The following ATP13A5 variants were observed in gnomAD, a reference collection of about 807,000 sequenced individuals.
ATP13A5 encodes the protein ATPase 13A5.
ATP13A5 carries 149 observed loss-of-function variants against 150.2 expected under a neutral mutation model. That is an observed-to-expected ratio of 0.99 (90% CI 0.87 to 1.14). ATP13A5 has a LOEUF of 1.14. Among genes scored for constraint, ATP13A5 ranks in the 50% most tolerant of loss-of-function variants. The pLI is 0.00. For missense variants in ATP13A5, 1,383 were observed against 1,449.3 expected (o/e 0.95, Z 0.74); for synonymous variants, 497 against 522.2 (o/e 0.95, Z 0.66).
Position 193,310,634 on chromosome 3 carries a change from C to T in ATP13A5, c.2525+4G>A. The T allele has an allele frequency of 6.2e-7, 1 of 1,601,784 alleles. No individual in the cohort carries two copies. The highest frequency in any genetic ancestry group is 2.2e-5 in the East Asian group (1 of 44,644). On this transcript the variant is annotated splice_donor_region_variant and intron_variant, in intron 21 of 29. Transcript: ENST00000342358. ...ACACTCTTCTTTCATGCCATGACAC[C>T]TACTTTAATTTCTGAAATTCTTCAA...
At position 193,307,546 on chromosome 3, in the gene ATP13A5, C is replaced by T. The variant is rs117392683; in HGVS notation, c.2526-177G>A. 308 of 713,944 alleles carry T rather than the reference C, an allele frequency of 4.3e-4. 3 individuals carry two copies. The East Asian group carries it at 7.7e-3, about 18-fold the overall frequency. 44.2% of individuals were successfully genotyped at this position (713,944 alleles called of 1,614,324 possible). On this transcript the variant is annotated intron_variant, in intron 21 of 29. Transcript: ENST00000342358. ...GAGACATATTCCCAGAGGGAAAAGG[C>T]AGTTGCGTTATTTAAGTTGTTTCAA...
chr3:193,292,566 C>A (rs1718009188), intron 25 of ATP13A5, among the ~76,000 whole-genome samples: 1 of 152,140 alleles, frequency 6.6e-6, no homozygotes, highest in Non-Finnish European at 1.5e-5. Flanking sequence ...TGTGGCTCTG[C>A]TTTTTGTGAC....
At chr3:193,362,953 C>T (rs970072247) in intron 3 of ATP13A5, among the ~76,000 whole-genome samples, 1 of 152,058 alleles carries the variant, frequency 6.6e-6, no homozygotes, top group East Asian at 1.9e-4. Context: ...CACCACCACA[C>T]TCAGCTCATT....
At chr3:193,378,564 G>T in intron 1 of ATP13A5, 99 bp downstream of exon 1, 2 of 1,087,826 alleles carry the variant, frequency 1.8e-6, no homozygotes, top group Non-Finnish European at 2.8e-6. Context: ...CCTAAAGCCT[G>T]AAGCATAAAT....
intron 9 of ATP13A5, among the ~76,000 whole-genome samples, chr3:193,335,639 T>C (rs1711825829): frequency 6.6e-6 from 1 of 152,146 alleles, no homozygotes; most frequent in African/African-American, 2.4e-5. Context: ...TAGTAGTTAT[T>C]CCACATCATT....
chr3:193,342,103 C>G (rs1712152171), intron 9 of ATP13A5, among the ~76,000 whole-genome samples: 1 of 152,112 alleles, frequency 6.6e-6, no homozygotes, highest in African/African-American at 2.4e-5. Context: ...CTAACAGCTC[C>G]TAGTCTAATT....
intron 9 of ATP13A5, among the ~76,000 whole-genome samples, chr3:193,336,102 A>G (rs892691185): frequency 1.3e-5 from 2 of 152,228 alleles, no homozygotes; most frequent in African/African-American, 2.4e-5. Flanking sequence ...ATAGTATTAT[A>G]TCAATCATAG....
intron 27 of ATP13A5, among the ~76,000 whole-genome samples, chr3:193,280,241 G>A (rs1427487962): frequency 1.3e-5 from 2 of 152,016 alleles, no homozygotes; most frequent in Non-Finnish European, 2.9e-5. Context: ...TTTCCATAGA[G>A]ATGGGGTTTC....
chr3:193,305,487 G>C, intron 23 of ATP13A5, 72 bp downstream of exon 23: 1 of 1,205,996 alleles, frequency 8.3e-7, no homozygotes, highest in Admixed American at 1.7e-5. Flanking sequence ...TTAGCTTGTA[G>C]TTGAATTCTG....
intron 27 of ATP13A5, among the ~76,000 whole-genome samples, chr3:193,284,178 T>C (rs1025745226): frequency 2.0e-5 from 3 of 151,792 alleles, no homozygotes; most frequent in South Asian, 2.1e-4. Context: ...AGAGCCACCA[T>C]GCCCAGCTAA....
intron 10 of ATP13A5, among the ~76,000 whole-genome samples, chr3:193,334,612 GT>G (rs575172725): frequency 1.8e-4 from 28 of 152,258 alleles, no homozygotes; most frequent in African/African-American, 6.7e-4. Context: ...GGCTGAAATT[GT>G]TTTTTGGTAA....
At chr3:193,282,999 T>A (rs1415294704) in intron 27 of ATP13A5, among the ~76,000 whole-genome samples, 1 of 152,074 alleles carries the variant, frequency 6.6e-6, no homozygotes, top group Non-Finnish European at 1.5e-5. Context: ...AAACTATAAG[T>A]TTTAAAGTAT....
intron 15 of ATP13A5, among the ~76,000 whole-genome samples, chr3:193,322,146 A>T (rs1719303704): frequency 6.6e-6 from 1 of 150,448 alleles, no homozygotes; most frequent in South Asian, 2.1e-4. Flanking sequence ...GACTCTTGAA[A>T]CTCTTTCTTC....
At chr3:193,289,790 A>G (rs924702282) in intron 26 of ATP13A5, 95 bp downstream of exon 26, 2 of 1,224,792 alleles carry the variant, frequency 1.6e-6, no homozygotes, top group Admixed American at 5.5e-5. Context: ...TGATTAATTA[A>G]AAGTTTTAGG....
chr3:193,354,328 G>C (rs1263067817), intron 5 of ATP13A5, 132 bp from the exon 6 acceptor site: 4 of 757,964 alleles, frequency 5.3e-6, no homozygotes, highest in Non-Finnish European at 8.3e-6. Flanking sequence ...TAATGTGCAA[G>C]TTCTTTTGAA....
chr3:193,295,594 A>G (rs1183113036), intron 25 of ATP13A5, among the ~76,000 whole-genome samples: 1 of 152,114 alleles, frequency 6.6e-6, no homozygotes, highest in Non-Finnish European at 1.5e-5. Flanking sequence ...GCTAATATAC[A>G]GTGAGAGATG....
intron 16 of ATP13A5, 38 bp from the exon 17 acceptor site, chr3:193,319,146 G>T: frequency 6.7e-7 from 1 of 1,501,238 alleles, no homozygotes; most frequent in Non-Finnish European, 9.3e-7. Flanking sequence ...GTAAGGTCAT[G>T]TTGAAGGCTG....
chr3:193,308,162 A>C (rs1718690596), intron 21 of ATP13A5, among the ~76,000 whole-genome samples: 1 of 152,206 alleles, frequency 6.6e-6, no homozygotes, highest in Non-Finnish European at 1.5e-5. Flanking sequence ...TAGGTCAAAA[A>C]CAGTTAATTA....
At chr3:193,299,609 T>A (rs1401092597) in intron 24 of ATP13A5, among the ~76,000 whole-genome samples, 4 of 152,138 alleles carry the variant, frequency 2.6e-5, no homozygotes, top group Admixed American at 6.6e-5. Context: ...TCCTCACCCA[T>A]GGTATGAGTT....
Sources: allele counts gnomAD v4.1 joint callset (sites outside exome capture counted in the v4.1 genomes callset), GRCh38; gene constraint gnomAD v4.1.1; transcripts MANE v1.5; gene names NCBI Gene and HGNC (gene_info 2026-07-23, HGNC 2026-07-21).